The following GREB1 variants were observed in gnomAD, a reference collection of about 807,000 sequenced individuals.
GREB1 encodes growth regulating estrogen receptor binding 1, also known as protein GREB1.
Under a neutral mutation model 200.7 loss-of-function variants are expected in GREB1, and 106 were observed. The observed-to-expected ratio is 0.53, with a 90% confidence interval of 0.45 to 0.62. The LOEUF is 0.62. GREB1 is among the 20% of genes least tolerant of loss of function. The pLI is 0.00. For synonymous variants in GREB1, 1,132 were observed against 1,092.4 expected (o/e 1.04, Z -0.72); for missense variants, 2,243 against 2,556.8 (o/e 0.88, Z 2.65).
rs1684915621 is a variant in GREB1, at chr2:11,632,004, C to T, written c.4707C>T (p.Ser1569=). Reference sequence around the variant, plus strand: ...TGTACCACGCAATGGACGGTGCCAGCCATTTGCACGTGCTGGTTGTCAAGG... The same window carrying T: ...TGTACCACGCAATGGACGGTGCCAGTCATTTGCACGTGCTGGTTGTCAAGG... ...FNLYHAMDGA[S]HLHVLVVKEY... is the part of the protein sequence containing the mutation. The change falls in exon 27 of 33, where the codon AGC becomes AGT. Residue 1569 remains serine, a synonymous_variant. Transcript: ENST00000381486. 1 of 1,613,684 alleles carries T rather than the reference C, an allele frequency of 6.2e-7. No individual in the cohort carries two copies. Among genetic ancestry groups the T allele is most frequent in the Non-Finnish European group, 8.5e-7 (1 of 1,179,610 alleles).
chr2:11,587,917 G>A lies in GREB1; in HGVS notation c.1160-829G>A, dbSNP rs1025241505. 56 of 995,918 alleles carry A rather than the reference G, an allele frequency of 5.6e-5. No homozygotes were observed. The African/African-American group carries it at 9.4e-4, about 17-fold the overall frequency. 61.7% of individuals were successfully genotyped at this position (995,918 alleles called of 1,614,324 possible). A position where few individuals can be genotyped will look rare whatever the true frequency, so the allele number is the denominator to read the frequency against. On this transcript the variant is annotated intron_variant, in intron 9 of 32. Coordinates refer to ENST00000381486, the MANE Select transcript of GREB1 (RefSeq NM_014668.4). ...GACCTGGGCAATTCCACCTCTGAGG[G>A]CTGTCCTCAGAATGAATCTTCTGAT... is the stretch of plus-strand genomic sequence containing the variant.
intron 24 of GREB1, among the ~76,000 whole-genome samples, chr2:11,626,478 C>T (rs897802525): frequency 6.6e-6 from 1 of 152,146 alleles, no homozygotes; most frequent in Non-Finnish European, 1.5e-5. Context: ...ATCCCAGCTA[C>T]TCAGGAGACT....
intron 1 of GREB1, among the ~76,000 whole-genome samples, chr2:11,499,622 C>A (rs940320647): frequency 6.6e-6 from 1 of 152,236 alleles, no homozygotes; most frequent in African/African-American, 2.4e-5. Flanking sequence ...AATTAAAAAT[C>A]ACTTTCTTTA....
chr2:11,583,998 C>G (rs1033059565), intron 7 of GREB1, among the ~76,000 whole-genome samples: 2 of 152,054 alleles, frequency 1.3e-5, no homozygotes, highest in African/African-American at 2.4e-5. Context: ...TGCAGTGCCT[C>G]GGGTCACACC....
rs563438830 is a variant in GREB1 at position 11,556,521 on chromosome 2, C to T, written c.-94C>T. 4.8e-6 allele frequency: 5 copies of T among 1,048,014 alleles called. No individual in the cohort carries two copies. The highest frequency in any genetic ancestry group is 3.2e-5 in the African/African-American group (2 of 63,292). 64.9% of individuals were successfully genotyped at this position (1,048,014 alleles called of 1,614,324 possible). On this transcript the variant is annotated 5_prime_UTR_variant, in exon 2 of 33. Transcript: ENST00000381486. ...AGCGAAGGCTACACGGCCCTTCCTC[C>T]TTGCAGCTGTTTCACCTTCTACCTT...
intron 13 of GREB1, 96 bp downstream of exon 13, chr2:11,596,335 C>A: frequency 9.7e-7 from 1 of 1,032,770 alleles, no homozygotes; most frequent in Non-Finnish European, 1.4e-6. Context: ...TGAGAGGGGC[C>A]ATGGCGCAAG....
At chr2:11,591,706 A>G (rs550862877) in intron 10 of GREB1, 1 of 464,780 alleles carries the variant, frequency 2.2e-6, no homozygotes, top group Admixed American at 3.9e-5. Context: ...AGGCGAAGGA[A>G]GTAACGTTCT....
At position 11,633,411 on chromosome 2, in the gene GREB1, A is replaced by T. The variant is rs1402093113; in HGVS notation, c.4991+348A>T. Among the ~76,000 whole-genome samples the T allele has an allele frequency of 6.6e-6, 1 of 151,826 alleles. No homozygotes were observed. The highest frequency in any genetic ancestry group is 2.4e-5 in the African/African-American group (1 of 41,312). On this transcript the variant is annotated intron_variant, in intron 28 of 32. Coordinates refer to ENST00000381486, the MANE Select transcript of GREB1 (RefSeq NM_014668.4). This position sits in a 1 kb window ranked among gnomAD's most constrained non-coding sequence, Gnocchi z 4.1. ...CCCTGTCTCTACTAAAAATACAAAA[A>T]AATTTAGCTGGGCGTGGTGGCGGGC...
intron 1 of GREB1, among the ~76,000 whole-genome samples, chr2:11,541,163 TAGGAGAAGGCCATCTCCCAGA>T (rs1251286830): frequency 2.6e-5 from 4 of 152,084 alleles, no homozygotes; most frequent in African/African-American, 9.7e-5. Flanking sequence ...GCAGGGCTTC[TAGGAGAAGGCCATCTCCCAGA>T]AGGAGATGGA....
At chr2:11,566,696 T>G in intron 4 of GREB1, 40 bp downstream of exon 4, 1 of 1,574,406 alleles carries the variant, frequency 6.4e-7, no homozygotes, top group South Asian at 1.2e-5. Context: ...TCCTTCTGCA[T>G]GGGGTAGAGC....
chr2:11,608,533 A>G (rs908721247), intron 17 of GREB1, among the ~76,000 whole-genome samples: 1 of 152,170 alleles, frequency 6.6e-6, no homozygotes, highest in Non-Finnish European at 1.5e-5. Context: ...TGTTTTTGTG[A>G]TACAACTAAG....
At chr2:11,507,686 C>T (rs1673222717) in intron 1 of GREB1, among the ~76,000 whole-genome samples, 1 of 152,234 alleles carries the variant, frequency 6.6e-6, no homozygotes, top group African/African-American at 2.4e-5. Flanking sequence ...CAGCCTCCTG[C>T]TTCTCAGAGT....
chr2:11,598,861 G>GT lies in GREB1; in HGVS notation c.2333+3dup. On this transcript the variant is annotated splice_donor_variant, in intron 15 of 32. Transcript: ENST00000381486. LOFTEE classifies it high-confidence loss of function. ...ACCATGCGCACTGGGATCTTGTGAGGTTAGATTGACTTGATATATGACAAG... is the reference window on the plus strand; with the variant it reads ...ACCATGCGCACTGGGATCTTGTGAGGTTTAGATTGACTTGATATATGACAAG... 6.2e-7 allele frequency: 1 copy of GT among 1,612,170 alleles called. No homozygotes were observed.
chr2:11,589,427 G>A (rs1329014390), intron 10 of GREB1, among the ~76,000 whole-genome samples: 2 of 152,178 alleles, frequency 1.3e-5, no homozygotes, highest in South Asian at 2.1e-4. Context: ...AGGGAGGCCA[G>A]GTGAGTGCTG....
chr2:11,531,767 C>T (rs745931457), upstream of GREB1, among the ~76,000 whole-genome samples: 7 of 152,108 alleles, frequency 4.6e-5, no homozygotes, highest in South Asian at 2.1e-4. Flanking sequence ...GACAGGGTTT[C>T]GCCCTGTTGG....
chr2:11,565,801 C>T (rs972720745), intron 3 of GREB1, among the ~76,000 whole-genome samples: 2 of 152,114 alleles, frequency 1.3e-5, no homozygotes, highest in Non-Finnish European at 1.5e-5. Context: ...TCTCAGCCTT[C>T]GTTTTTCATG....
chr2:11,519,209 T>G (rs1673620075), intron 1 of GREB1, among the ~76,000 whole-genome samples: 1 of 152,084 alleles, frequency 6.6e-6, no homozygotes, highest in African/African-American at 2.4e-5. Context: ...TCTCTTTTAA[T>G]CAGACTAGTA....
intron 2 of GREB1, chr2:11,561,889 ATC>A (rs1677084403): frequency 6.5e-6 from 1 of 153,300 alleles, no homozygotes; most frequent in Non-Finnish European, 1.5e-5. Flanking sequence ...CAGCTTGGGC[ATC>A]ACACAGGACT....
chr2:11,556,551 G>A lies in GREB1; in HGVS notation c.-64G>A, dbSNP rs754242986. On this transcript the variant is annotated 5_prime_UTR_variant, in exon 2 of 33. Transcript: ENST00000381486. ...AGCTGTTTCACCTTCTACCTTGCGT[G>A]GAGCCAGGCTTTTGCACCGAATCTG... 6.1e-5 allele frequency: 84 copies of A among 1,372,068 alleles called. No individual in the cohort carries two copies. Among genetic ancestry groups the A allele is most frequent in the Non-Finnish European group, 6.9e-5 (68 of 989,230 alleles). The allele number at this position is 1,372,068 out of a possible 1,614,324, so 85.0% of individuals were successfully genotyped here. A position where few individuals can be genotyped will look rare whatever the true frequency, so the allele number is the denominator to read the frequency against.
Sources: gnomAD v4.1 joint callset for allele counts (sites outside exome capture counted in the v4.1 genomes callset) on GRCh38, gnomAD v4.1.1 for gene constraint, Gnocchi (gnomAD v3.1) non-coding constraint, MANE v1.5 for transcripts, NCBI Gene and HGNC (gene_info 2026-07-23, HGNC 2026-07-21) for gene names.